PLD5: variants seen among roughly 807,000 people sequenced by gnomAD.
PLD5 encodes the protein phospholipase D family member 5.
A neutral mutation model predicts 61.1 loss-of-function variants in PLD5; 36 were observed. The ratio of observed to expected loss-of-function variants is 0.59; its 90% CI spans 0.45 to 0.78. The LOEUF (loss-of-function observed/expected upper bound fraction) is 0.78. PLD5 is among the 30% of genes least tolerant of loss of function. The pLI is 0.00. For missense variants in PLD5, 515 were observed against 644.4 expected, an observed-to-expected ratio of 0.80 and a Z score of 2.17; for synonymous variants, 243 against 242.8, an observed-to-expected ratio of 1.00 and a Z score of -0.01.
chr1:242,425,882 A>G (rs1665395424), intron 1 of PLD5, among the ~76,000 whole-genome samples: 1 of 151,918 alleles, frequency 6.6e-6, no homozygotes, highest in African/African-American at 2.4e-5. Flanking sequence ...TGACCTTGTG[A>G]TCGGCCCACA....
chr1:242,210,645 CACCCCCACTGAGCACCTTGTG>C (rs1179854830), intron 5 of PLD5: 2 of 152,594 alleles, frequency 1.3e-5, no homozygotes, highest in Non-Finnish European at 2.9e-5. Flanking sequence ...GGCTCAAAAT[CACCCCCACTGAGCACCTTGTG>C]ACCCCCACTC....
intron 2 of PLD5, among the ~76,000 whole-genome samples, chr1:242,345,245 G>A (rs12067415): frequency 3.9e-5 from 6 of 152,098 alleles, no homozygotes; most frequent in African/African-American, 1.4e-4. Context: ...GCCGATAGGG[G>A]ATGAATGAAA....
Position 242,107,655 on chromosome 1 carries a change from T to C in PLD5, c.1239+16A>G, listed in dbSNP as rs373631940. On this transcript the variant is annotated intron_variant, in intron 8 of 9. Transcript: ENST00000536534. ...ATTCACTTTTTATTTAATAACACAG[T>C]CAACGTAATACTTACAACTTTCAAA... The C allele has an allele frequency of 1.7e-5, 26 of 1,557,088 alleles. No individual in the cohort carries two copies. Among genetic ancestry groups the C allele is most frequent in the Non-Finnish European group, 2.1e-5 (24 of 1,154,968 alleles).
At chr1:242,117,945 T>C (rs780201478) in intron 6 of PLD5, among the ~76,000 whole-genome samples, 1 of 150,132 alleles carries the variant, frequency 6.7e-6, no homozygotes, top group Admixed American at 6.7e-5. Context: ...AGATGGGTTC[T>C]CAGAAGCCTG....
At chr1:242,220,146 C>G in intron 4 of PLD5, 31 bp from the exon 5 acceptor site, 1 of 1,610,824 alleles carries the variant, frequency 6.2e-7, no homozygotes, top group African/African-American at 1.3e-5. Flanking sequence ...TGGTCAGCCT[C>G]TGCGTCAAGG....
chr1:242,288,491 A>G lies in PLD5; in HGVS notation c.366T>C (p.Tyr122=). 1 of 1,608,556 alleles carries G rather than the reference A, an allele frequency of 6.2e-7. No individual in the cohort carries two copies. The highest frequency in any genetic ancestry group is 8.5e-7 in the Non-Finnish European group (1 of 1,178,336). The change falls in exon 3 of 10, where the codon TAT becomes TAC. Residue 122 remains tyrosine, a synonymous_variant. Coordinates refer to ENST00000536534, the MANE Select transcript of PLD5 (RefSeq NM_001372062.1). ...LVENIPEGLN[Y]SENAPFHLSL... is the part of the protein sequence containing the mutation. ...ATAAGTGAAATGGTGCATTTTCTGAATAGTTAAGGCCTTCAGGAATATTTT... is the reference window on the plus strand; with the variant it reads ...ATAAGTGAAATGGTGCATTTTCTGAGTAGTTAAGGCCTTCAGGAATATTTT...
At chr1:242,482,645 T>C (rs948067100) in intron 1 of PLD5, among the ~76,000 whole-genome samples, 1 of 152,178 alleles carries the variant, frequency 6.6e-6, no homozygotes, top group African/African-American at 2.4e-5. Context: ...CAGGATATTA[T>C]CCAGGAGAAC....
chr1:242,118,921 G>A (rs1662154443), intron 6 of PLD5, among the ~76,000 whole-genome samples: 1 of 152,238 alleles, frequency 6.6e-6, no homozygotes, highest in Non-Finnish European at 1.5e-5. Context: ...TGAGCTGGCA[G>A]AGGAAGTTAA....
intron 1 of PLD5, among the ~76,000 whole-genome samples, chr1:242,505,783 C>A (rs755315648): frequency 3.3e-5 from 5 of 152,196 alleles, no homozygotes; most frequent in Non-Finnish European, 7.3e-5. Context: ...AGTTATACTG[C>A]AATCATGTCC....
At chr1:242,328,586 GCC>G (rs1658972538) in intron 2 of PLD5, among the ~76,000 whole-genome samples, 1 of 152,032 alleles carries the variant, frequency 6.6e-6, no homozygotes, top group African/African-American at 2.4e-5. Flanking sequence ...TATATATGTG[GCC>G]ATCCTTAAAA....
intron 5 of PLD5, among the ~76,000 whole-genome samples, chr1:242,197,720 C>T (rs1184060704): frequency 2.0e-5 from 3 of 151,924 alleles, no homozygotes; most frequent in Admixed American, 6.6e-5. Context: ...CTGCAACCTC[C>T]GCCTCTCGGG....
chr1:242,505,587 A>G (rs1668694413), intron 1 of PLD5, among the ~76,000 whole-genome samples: 1 of 152,238 alleles, frequency 6.6e-6, no homozygotes, highest in Non-Finnish European at 1.5e-5. Flanking sequence ...CACAGACATC[A>G]TGGCAAGGTT....
intron 1 of PLD5, among the ~76,000 whole-genome samples, chr1:242,380,241 A>T (rs1259619529): frequency 6.6e-6 from 1 of 152,192 alleles, no homozygotes; most frequent in Admixed American, 6.5e-5. Flanking sequence ...CTCACTTACA[A>T]TGGGAAGCTC....
intron 9 of PLD5, among the ~76,000 whole-genome samples, chr1:242,093,012 C>A (rs183004433): frequency 6.6e-6 from 1 of 152,292 alleles, no homozygotes; most frequent in East Asian, 1.9e-4. Context: ...CATCTGCCCC[C>A]TCAATAAACA....
At chr1:242,369,538 C>T (rs748933774) in intron 1 of PLD5, among the ~76,000 whole-genome samples, 4 of 152,076 alleles carry the variant, frequency 2.6e-5, no homozygotes, top group Non-Finnish European at 5.9e-5. Flanking sequence ...CTAAAATGTG[C>T]GTATGCTTAT....
intron 4 of PLD5, among the ~76,000 whole-genome samples, chr1:242,239,675 G>C (rs531557483): frequency 7.9e-5 from 12 of 152,200 alleles, no homozygotes; most frequent in Admixed American, 1.3e-4. Flanking sequence ...TGAAATGGAG[G>C]GTTTTTAAAA....
chr1:242,493,027 CA>C (rs1668218688), intron 1 of PLD5, among the ~76,000 whole-genome samples: 1 of 151,920 alleles, frequency 6.6e-6, no homozygotes, highest in Admixed American at 6.6e-5. Flanking sequence ...GAATACACTG[CA>C]AAAGAAAAAA....
chr1:242,163,345 G>A (rs1666027624), intron 5 of PLD5, among the ~76,000 whole-genome samples: 1 of 151,900 alleles, frequency 6.6e-6, no homozygotes, highest in Non-Finnish European at 1.5e-5. Flanking sequence ...GGGTTTCACT[G>A]TGTTAGCCAG....
chr1:242,281,204 A>C (rs995750130), intron 3 of PLD5, among the ~76,000 whole-genome samples: 1 of 152,260 alleles, frequency 6.6e-6, no homozygotes, highest in Non-Finnish European at 1.5e-5. Flanking sequence ...TATGAAACAA[A>C]CATGGCAAGG....
Sources: gnomAD v4.1 joint callset for allele counts (sites outside exome capture counted in the v4.1 genomes callset) on GRCh38, gnomAD v4.1.1 for gene constraint, MANE v1.5 for transcripts, NCBI Gene and HGNC (gene_info 2026-07-23, HGNC 2026-07-21) for gene names.